HERC1: variants seen among roughly 807,000 people sequenced by gnomAD.
The protein encoded by HERC1 is HECT and RLD domain containing E3 ubiquitin protein ligase family member 1, also known as probable E3 ubiquitin-protein ligase HERC1.
A neutral mutation model predicts 554.3 loss-of-function variants in HERC1; 160 were observed. That is an observed-to-expected ratio of 0.29 (90% CI 0.25 to 0.33). HERC1 has a LOEUF of 0.33. Ranked by LOEUF, HERC1 falls within the 10% of genes least tolerant of loss-of-function variation. HERC1 has a pLI of 1.00. For missense variants in HERC1, 4,919 were observed against 5,918.5 expected (o/e 0.83, Z 5.54); for synonymous variants, 2,175 against 2,131.7 (o/e 1.02, Z -0.56).
chr15:63,609,542 G>A (rs1209339508), intron 77 of HERC1, among the ~76,000 whole-genome samples: 1 of 152,230 alleles, frequency 6.6e-6, no homozygotes, highest in Non-Finnish European at 1.5e-5. Flanking sequence ...GATTGCTTGA[G>A]AGAATACACT....
In HERC1 at chr15:63,694,189, A is replaced by G. The variant is rs2072277908; in HGVS notation, c.5481-32T>C. 1 of 1,567,790 alleles carries G rather than the reference A, an allele frequency of 6.4e-7. No homozygotes were observed. Among genetic ancestry groups the G allele is most frequent in the South Asian group, 1.2e-5 (1 of 85,058 alleles). On this transcript the variant is annotated intron_variant, in intron 29 of 77. Transcript: ENST00000443617. This position sits in a 1 kb window ranked among gnomAD's most constrained non-coding sequence, Gnocchi z 4.3. ...GAAATAAAAGAAAAAAATAAGTGGC[A>G]AACACACAGAAGGGCAAGCATAGTG...
intron 37 of HERC1, among the ~76,000 whole-genome samples, chr15:63,676,762 A>G (rs1158060943): frequency 1.3e-5 from 2 of 152,266 alleles, no homozygotes; most frequent in East Asian, 3.8e-4. Flanking sequence ...TCTCAAAAAA[A>G]TAAATAATAA....
At chr15:63,755,195 T>C in intron 6 of HERC1, 34 bp downstream of exon 6, 3 of 1,414,236 alleles carry the variant, frequency 2.1e-6, no homozygotes, top group Non-Finnish European at 3.0e-6. Flanking sequence ...TCTAATTTTC[T>C]AGAAGAATAA....
chr15:63,803,216 A>G (rs1159581202), intron 1 of HERC1, among the ~76,000 whole-genome samples: 3 of 152,182 alleles, frequency 2.0e-5, no homozygotes, highest in Admixed American at 6.5e-5. Context: ...TTAAATTTAA[A>G]AAACTAATAA....
intron 8 of HERC1, among the ~76,000 whole-genome samples, chr15:63,750,609 G>A (rs910919388): frequency 6.6e-6 from 1 of 152,130 alleles, no homozygotes; most frequent in African/African-American, 2.4e-5. Context: ...AAAGACTGCT[G>A]CTGAGAGATT....
At chr15:63,628,067 G>C (rs1472406111) in intron 70 of HERC1, among the ~76,000 whole-genome samples, 1 of 152,138 alleles carries the variant, frequency 6.6e-6, no homozygotes, top group Non-Finnish European at 1.5e-5. Context: ...GTGGGCCTTA[G>C]AAAGCTATAA....
At chr15:63,619,728 T>C (rs1160439543) in intron 74 of HERC1, among the ~76,000 whole-genome samples, 2 of 152,060 alleles carry the variant, frequency 1.3e-5, no homozygotes, top group African/African-American at 4.8e-5. Flanking sequence ...CTTGGGAGAG[T>C]GTATGTGTCG....
At chr15:63,703,109 C>CAA (rs372589572) in intron 25 of HERC1, among the ~76,000 whole-genome samples, 3,712 of 91,512 alleles carry the variant, frequency 0.041, 100 homozygotes, top group African/African-American at 0.087. Flanking sequence ...GACTCTGTCT[C>CAA]AAAAAAAAAA....
chr15:63,616,238 T>C (rs1466498017), intron 75 of HERC1, among the ~76,000 whole-genome samples, 192 bp downstream of exon 75: 4 of 55,518 alleles, frequency 7.2e-5, no homozygotes, highest in African/African-American at 3.0e-4. Context: ...AGCAACTAAG[T>C]GCAGGAGCCT....
At position 63,661,663 on chromosome 15, in the gene HERC1, T is replaced by C. The variant is rs2070366051; in HGVS notation, c.9170+90A>G. 8 of 1,345,452 alleles carry C rather than the reference T, an allele frequency of 5.9e-6. No individual in the cohort carries two copies. The South Asian group carries it at 6.5e-5, about 11-fold the overall frequency. The allele number at this position is 1,345,452 out of a possible 1,614,324, so 83.3% of individuals were successfully genotyped here. On this transcript the variant is annotated intron_variant, in intron 45 of 77. Coordinates refer to ENST00000443617, the MANE Select transcript of HERC1 (RefSeq NM_003922.4). ...ACGGGATTTCAGGGAAGGTTAAATGTAACTCCTCACGTGAAAAATCTACAG... is the reference window on the plus strand; with the variant it reads ...ACGGGATTTCAGGGAAGGTTAAATGCAACTCCTCACGTGAAAAATCTACAG...
intron 76 of HERC1, among the ~76,000 whole-genome samples, 171 bp downstream of exon 76, chr15:63,615,597 G>A (rs1462130017): frequency 6.6e-6 from 1 of 152,206 alleles, no homozygotes; most frequent in Non-Finnish European, 1.5e-5. Context: ...GCGACAGAGT[G>A]AGGTGCTGTC....
intron 1 of HERC1, among the ~76,000 whole-genome samples, chr15:63,799,426 G>A (rs2076910177): frequency 6.6e-6 from 1 of 151,996 alleles, no homozygotes; most frequent in South Asian, 2.1e-4. Flanking sequence ...CTTGAGCCCA[G>A]GAGGTCAAGG....
At chr15:63,829,559 G>GTATATATATA (rs1316907768) in intron 1 of HERC1, among the ~76,000 whole-genome samples, 54 of 94,636 alleles carry the variant, frequency 5.7e-4, no homozygotes, top group African/African-American at 6.4e-4. Flanking sequence ...GTGTGTGTGT[G>GTATATATATA]TGTATATATA....
intron 1 of HERC1, among the ~76,000 whole-genome samples, chr15:63,802,019 A>G (rs1015866706): frequency 2.0e-5 from 3 of 152,188 alleles, no homozygotes; most frequent in Admixed American, 2.0e-4. Context: ...GTCTCCCCCA[A>G]TACACAGTAC....
chr15:63,714,162 T>C (rs967124719), intron 22 of HERC1, among the ~76,000 whole-genome samples: 1 of 152,076 alleles, frequency 6.6e-6, no homozygotes, highest in Admixed American at 6.6e-5. Flanking sequence ...TTCTGAAACG[T>C]TCACAAGCTT....
rs2073370863 is a variant in HERC1, at chr15:63,712,851, G to C, written c.4508C>G (p.Pro1503Arg). 2 of 1,613,482 alleles carry C rather than the reference G, an allele frequency of 1.2e-6. No individual in the cohort carries two copies. The highest frequency in any genetic ancestry group is 2.7e-5 in the African/African-American group (2 of 74,888). ...TAESRLVHTS[P>R]NYRLIKSRSE... ...CCTCGATTTGATCAGTCTATAATTTGGGCTTGTGTGGACTAGCCGGCTCTC... is the reference window on the plus strand; with the variant it reads ...CCTCGATTTGATCAGTCTATAATTTCGGCTTGTGTGGACTAGCCGGCTCTC... Residue 1503 changes from proline to arginine, a missense_variant, in exon 24 of 78, where the codon CCA becomes CGA. Pro to Arg is a moderately radical substitution (Grantham distance 103). Coordinates refer to ENST00000443617, the MANE Select transcript of HERC1 (RefSeq NM_003922.4).
chr15:63,645,579 C>G lies in HERC1; in HGVS notation c.10982G>C (p.Cys3661Ser), dbSNP rs756742443. The G allele has an allele frequency of 1.2e-6, 2 of 1,613,388 alleles. No individual in the cohort carries two copies. Among genetic ancestry groups the G allele is most frequent in the Non-Finnish European group, 1.7e-6 (2 of 1,179,574 alleles). ...KLWGSISGCW[C>S]CLHSLCHPSI... ...TGGATGGCAGAGTGAATGTAGACAG[C>G]ACCAGCATCCCGAAATAGAGCCCCA... Residue 3661 changes from cysteine (C) to serine (S), a missense_variant, in exon 56 of 78, where the codon TGC becomes TCC. Coordinates refer to ENST00000443617, the MANE Select transcript of HERC1 (RefSeq NM_003922.4).
chr15:63,831,200 A>G (rs1476029584), intron 1 of HERC1, among the ~76,000 whole-genome samples: 1 of 152,100 alleles, frequency 6.6e-6, no homozygotes, highest in Non-Finnish European at 1.5e-5. Flanking sequence ...TCAATCTCCC[A>G]GGCTCAATTG....
At chr15:63,777,696 C>T (rs1480466383) in intron 1 of HERC1, among the ~76,000 whole-genome samples, 3 of 152,160 alleles carry the variant, frequency 2.0e-5, no homozygotes, top group Admixed American at 6.6e-5. Flanking sequence ...CATACACACA[C>T]ATCTTTTATT....
Sources: allele counts gnomAD v4.1 joint callset (sites outside exome capture counted in the v4.1 genomes callset), GRCh38; gene constraint gnomAD v4.1.1; non-coding constraint Gnocchi (gnomAD v3.1); transcripts MANE v1.5; gene names NCBI Gene and HGNC (gene_info 2026-07-23, HGNC 2026-07-21).